FRMPD4: variants seen among roughly 807,000 people sequenced by gnomAD.
FRMPD4 encodes FERM and PDZ domain containing 4.
A neutral mutation model predicts 94.1 loss-of-function variants in FRMPD4; 22 were observed. The ratio of observed to expected loss-of-function variants is 0.23; its 90% confidence interval spans 0.17 to 0.33. FRMPD4 has a LOEUF of 0.33. Among genes scored for constraint, FRMPD4 ranks in the 10% least tolerant of loss-of-function variants. FRMPD4 has a pLI of 1.00. For missense variants in FRMPD4, 1,111 were observed against 1,339.9 expected (o/e 0.83, Z 2.67); for synonymous variants, 631 against 548.6 (o/e 1.15, Z -2.10).
At chrX:12,060,908 T>C (rs1221803053) in intron 3 of FRMPD4, among the ~76,000 whole-genome samples, 3 of 112,296 alleles carry the variant, frequency 2.7e-5, no homozygotes, top group African/African-American at 6.5e-5. Flanking sequence ...TTTATTTTCC[T>C]GCATAATATC....
intron 2 of FRMPD4, among the ~76,000 whole-genome samples, chrX:12,568,154 A>G (rs1242900538): frequency 9.0e-6 from 1 of 111,521 alleles, no homozygotes; most frequent in Non-Finnish European, 1.9e-5. Flanking sequence ...AAAGTTTAAA[A>G]TAGCCAAATT....
chrX:12,486,441 T>C (rs1427452463), intron 1 of FRMPD4, among the ~76,000 whole-genome samples: 1 of 112,493 alleles, frequency 8.9e-6, no homozygotes, highest in Non-Finnish European at 1.9e-5. Context: ...TTTCTGCACT[T>C]TTCTAATAAA....
rs747972523 is a variant in FRMPD4, at chrX:12,517,842, C to T, written c.158+19046C>T. On this transcript the variant is annotated intron_variant, in intron 2 of 16. Coordinates refer to ENST00000675598, the MANE Select transcript of FRMPD4 (RefSeq NM_001368397.1). ...TGCTGATCCATGGAGACTGTGGCCTCCCCTCCCCCAAGGGGCTCTTTTCCA... is the reference window on the plus strand; with the variant it reads ...TGCTGATCCATGGAGACTGTGGCCTTCCCTCCCCCAAGGGGCTCTTTTCCA... 2.7e-5 allele frequency among the ~76,000 whole-genome samples: 3 copies of T among 113,015 alleles called. No individual in the cohort carries two copies. The East Asian group carries it at 8.4e-4, about 32-fold the overall frequency.
intron 1 of FRMPD4, among the ~76,000 whole-genome samples, chrX:12,477,349 A>G (rs1008181193): frequency 8.9e-6 from 1 of 112,127 alleles, no homozygotes; most frequent in Admixed American, 9.4e-5. Flanking sequence ...GATATACCTA[A>G]TGTTAAATGA....
rs746544661 is a variant in FRMPD4 at position 12,680,840 on chromosome X, A to G, written c.469-2643A>G. On this transcript the variant is annotated intron_variant, in intron 5 of 16. Transcript: ENST00000675598. ...ATAGTACATAAGGTTATTTGCCCCT[A>G]AAGTAAATAGCCCCACGTTTACTGG... Among the ~76,000 whole-genome samples, 7 of 110,460 alleles carry G rather than the reference A, an allele frequency of 6.3e-5. No homozygotes were observed. In the East Asian group the frequency reaches 2.0e-3, roughly 32 times the overall value.
intron 1 of FRMPD4, among the ~76,000 whole-genome samples, chrX:12,466,963 T>A (rs2057456033): frequency 8.9e-6 from 1 of 111,806 alleles, no homozygotes; most frequent in African/African-American, 3.2e-5. Context: ...AGCTCCACCT[T>A]CTCTCTGTTC....
intron 3 of FRMPD4, among the ~76,000 whole-genome samples, chrX:12,120,772 G>A (rs1438151922): frequency 9.0e-6 from 1 of 110,893 alleles, no homozygotes; most frequent in African/African-American, 3.3e-5. Flanking sequence ...ATCTATGCTG[G>A]GGTACAATAA....
Position 11,856,601 on chromosome X carries a change from T to C in FRMPD4, c.-160-8485T>C, listed in dbSNP as rs893730529. On this transcript the variant is annotated intron_variant, in intron 1 of 18. Transcript: ENST00000640291. ...AATGACAAACCCATAGCCAGTATCA[T>C]ATTGAATAGGTAAAAGCTGGAAGAA... Among the ~76,000 whole-genome samples the C allele has an allele frequency of 1.4e-4, 16 of 111,882 alleles. No homozygotes were observed. The East Asian group carries it at 4.2e-3, about 29-fold the overall frequency.
intron 1 of FRMPD4, among the ~76,000 whole-genome samples, chrX:12,368,423 G>A (rs1345343336): frequency 2.7e-5 from 3 of 111,872 alleles, no homozygotes; most frequent in Non-Finnish European, 5.6e-5. Context: ...CCAGTAAAGT[G>A]AGGCCCAGTG....
intron 1 of FRMPD4, among the ~76,000 whole-genome samples, chrX:12,423,258 T>TAAAA (rs1280235979): frequency 3.8e-5 from 4 of 104,894 alleles, no homozygotes; most frequent in Non-Finnish European, 7.9e-5. Flanking sequence ...AATAAATAAA[T>TAAAA]AAAAAATAAA....
At chrX:12,417,956 T>C (rs1167492640) in intron 1 of FRMPD4, among the ~76,000 whole-genome samples, 1 of 93,283 alleles carries the variant, frequency 1.1e-5, no homozygotes, top group Non-Finnish European at 2.1e-5. Context: ...TTCGTGCCAC[T>C]GCACTCCAGC....
At chrX:11,909,088 C>T (rs1344530930) in intron 3 of FRMPD4, among the ~76,000 whole-genome samples, 12 of 111,209 alleles carry the variant, frequency 1.1e-4, no homozygotes, top group Non-Finnish European at 5.7e-5. Flanking sequence ...TAAACATATT[C>T]CCCCCATGCT....
intron 1 of FRMPD4, among the ~76,000 whole-genome samples, chrX:12,343,181 GA>G (rs1157320287): frequency 8.9e-6 from 1 of 112,103 alleles, no homozygotes; most frequent in East Asian, 2.8e-4. Context: ...GTGAAAAGGA[GA>G]AAGATGAATG....
At chrX:12,180,288 C>A (rs2056343619) in intron 1 of FRMPD4, among the ~76,000 whole-genome samples, 1 of 112,099 alleles carries the variant, frequency 8.9e-6, no homozygotes. Context: ...TTGGACACTG[C>A]AGATGTGGAA....
intron 3 of FRMPD4, among the ~76,000 whole-genome samples, chrX:12,080,473 G>A (rs1476089984): frequency 8.9e-6 from 1 of 112,025 alleles, no homozygotes; most frequent in Non-Finnish European, 1.9e-5. Flanking sequence ...CTCAGCTAGA[G>A]GTGGTTTTTC....
intron 1 of FRMPD4, among the ~76,000 whole-genome samples, chrX:12,284,312 A>G (rs1045872584): frequency 9.1e-4 from 102 of 111,884 alleles, no homozygotes; most frequent in African/African-American, 3.3e-3. Context: ...CAGATTTGAC[A>G]TACTGTCCCA....
intron 3 of FRMPD4, among the ~76,000 whole-genome samples, chrX:12,117,649 C>T (rs866252667): frequency 5.4e-5 from 6 of 111,887 alleles, no homozygotes; most frequent in Non-Finnish European, 1.1e-4. Context: ...AAGACTGGCA[C>T]GCAAGGCTCC....
chrX:12,537,376 CATT>C (rs1191957436), intron 2 of FRMPD4, among the ~76,000 whole-genome samples: 1 of 110,583 alleles, frequency 9.0e-6, no homozygotes, highest in Non-Finnish European at 1.9e-5. Flanking sequence ...TTACACACAA[CATT>C]ATTTAAATAC....
intron 3 of FRMPD4, among the ~76,000 whole-genome samples, chrX:11,895,660 T>C (rs779043159): frequency 1.8e-5 from 2 of 112,028 alleles, no homozygotes; most frequent in South Asian, 7.5e-4. Flanking sequence ...GATGAGAAGA[T>C]AAACTGTTGT....
Sources: allele counts gnomAD v4.1 joint callset (sites outside exome capture counted in the v4.1 genomes callset), GRCh38; gene constraint gnomAD v4.1.1; transcripts MANE v1.5; gene names NCBI Gene and HGNC (gene_info 2026-07-23, HGNC 2026-07-21).